USB1: variants seen among roughly 807,000 people sequenced by gnomAD.
The protein encoded by USB1 is U6 snRNA biogenesis phosphodiesterase 1.
In USB1, 21 loss-of-function variants were observed where a neutral mutation model predicts 29.9. That is an observed-to-expected ratio of 0.70 (90% CI 0.50 to 1.01). The LOEUF (loss-of-function observed/expected upper bound fraction) is 1.01. Ranked by LOEUF, USB1 falls within the 50% of genes least tolerant of loss-of-function variation. The pLI is 0.00. For missense variants in USB1, 330 were observed against 347.1 expected (o/e 0.95, Z 0.39); for synonymous variants, 143 against 134.9 (o/e 1.06, Z -0.42).
chr16:58,001,235 C>T, upstream of USB1: 4 of 601,250 alleles, frequency 6.7e-6, no homozygotes, highest in South Asian at 5.8e-5. Flanking sequence ...TACACGAAGG[C>T]TGGGGAGGTC....
chr16:58,002,227 G>T (rs1963232871), intron 1 of USB1, among the ~76,000 whole-genome samples: 1 of 152,166 alleles, frequency 6.6e-6, no homozygotes, highest in Non-Finnish European at 1.5e-5. Flanking sequence ...GTCCAGCTTG[G>T]AAATGTGACC....
chr16:58,010,720 G>A (rs1415904116), intron 3 of USB1: 6 of 405,754 alleles, frequency 1.5e-5, no homozygotes, highest in South Asian at 1.2e-4. Flanking sequence ...TATGTTACAG[G>A]ATACACATGA....
At chr16:58,007,990 A>T (rs570147285) in intron 2 of USB1, among the ~76,000 whole-genome samples, 95 of 152,310 alleles carry the variant, frequency 6.2e-4, no homozygotes, top group South Asian at 2.1e-3. Context: ...CTCAAAAAAA[A>T]AATAATAATA....
intron 2 of USB1, among the ~76,000 whole-genome samples, chr16:58,007,563 G>A (rs960610254): frequency 4.6e-5 from 7 of 151,846 alleles, no homozygotes; most frequent in Non-Finnish European, 1.5e-5. Flanking sequence ...TGTATTTTTA[G>A]TAAAGACACA....
At chr16:58,017,898 C>T (rs897175474) in intron 5 of USB1, among the ~76,000 whole-genome samples, 6 of 152,122 alleles carry the variant, frequency 3.9e-5, no homozygotes, top group African/African-American at 1.4e-4. Flanking sequence ...TGTTTTTAAA[C>T]CGTGCTGAGG....
intron 2 of USB1, among the ~76,000 whole-genome samples, chr16:58,006,686 A>G (rs1161395300): frequency 6.6e-6 from 1 of 152,082 alleles, no homozygotes. Context: ...AAACAGGCTT[A>G]TTTCTTCTTT....
intron 2 of USB1, among the ~76,000 whole-genome samples, chr16:58,004,919 A>G (rs1373889828): frequency 1.3e-5 from 2 of 152,182 alleles, no homozygotes. Context: ...GGCTGCGCTG[A>G]TATTTATTGG....
chr16:58,000,449 T>G (rs1963147608), upstream of USB1: 1 of 149,862 alleles, frequency 6.7e-6, no homozygotes, highest in Admixed American at 6.6e-5. The surrounding 1 kb of genome is among the most constrained non-coding windows in gnomAD (Gnocchi z 4.5). Context: ...GGCGACCAGC[T>G]GCTCTCTCGG....
chr16:58,019,897 G>T (rs1403236009), intron 6 of USB1, among the ~76,000 whole-genome samples: 2 of 152,106 alleles, frequency 1.3e-5, no homozygotes, highest in African/African-American at 4.8e-5. Flanking sequence ...TCCCAGGCCT[G>T]GTTTTATTGG....
intron 5 of USB1, among the ~76,000 whole-genome samples, chr16:58,018,686 C>T (rs1285259811): frequency 6.6e-6 from 1 of 152,088 alleles, no homozygotes; most frequent in Non-Finnish European, 1.5e-5. Context: ...CCTCATCTAA[C>T]CCTAATTACC....
At position 58,020,310 on chromosome 16, in the gene USB1, AATCG is replaced by A; in HGVS notation, c.*68_*71del. The stretch of plus-strand genomic sequence containing the variant: ...AGGCTGAGATGGAGGAACCTGCTAA[AATCG>A]ATGGAGATGCTTCTAGCCTCCCAGT... On this transcript the variant is annotated 3_prime_UTR_variant, in exon 7 of 7. Transcript: ENST00000219281. 1 of 1,520,946 alleles carries A rather than the reference AATCG, an allele frequency of 6.6e-7. No homozygotes were observed. Among genetic ancestry groups the A allele is most frequent in the East Asian group, 2.3e-5 (1 of 43,904 alleles). The allele number at this position is 1,520,946 out of a possible 1,614,324, so 94.2% of individuals were successfully genotyped here.
chr16:58,007,949 C>T lies in USB1; in HGVS notation c.266-1980C>T, dbSNP rs112452166. 1.6e-3 allele frequency among the ~76,000 whole-genome samples: 238 copies of T among 152,166 alleles called. 1 individual carries two copies. Among genetic ancestry groups the T allele is most frequent in the African/African-American group, 5.6e-3 (234 of 41,520 alleles). On this transcript the variant is annotated intron_variant, in intron 2 of 6. Coordinates refer to ENST00000219281, the MANE Select transcript of USB1 (RefSeq NM_024598.4). ...AGTGAACCAAGATTGCACCACCGTA[C>T]TCCATCCTGGGCAAAAGAGTGAGAC...
In USB1 at chr16:58,002,549, G is replaced by C. The variant is rs745321157; in HGVS notation, c.169G>C (p.Glu57Gln). 2 of 1,613,992 alleles carry C rather than the reference G, an allele frequency of 1.2e-6. No individual in the cohort carries two copies. Among genetic ancestry groups the C allele is most frequent in the Non-Finnish European group, 1.7e-6 (2 of 1,180,044 alleles). ...DSVLNMFPGT[E>Q]EGPEDDSTKH... ...TGTGCTGAACATGTTCCCGGGCACC[G>C]AGGAGGGGCCTGAAGATGACAGCAC... is the stretch of plus-strand genomic sequence containing the variant. The change falls in exon 2 of 7, where the codon GAG becomes CAG. Residue 57 changes from glutamate (E) to glutamine (Q), a missense_variant. Physicochemically the swap from Glu to Gln is conservative, Grantham distance 29. Coordinates refer to ENST00000219281, the MANE Select transcript of USB1 (RefSeq NM_024598.4).
chr16:57,999,819 G>A (rs772212300), upstream of USB1: 4 of 152,486 alleles, frequency 2.6e-5, no homozygotes, highest in Non-Finnish European at 5.9e-5. Flanking sequence ...GACAGAGAGG[G>A]GGAAGGTGGG....
intron 4 of USB1, 148 bp downstream of exon 4, chr16:58,014,474 C>G: frequency 1.4e-6 from 1 of 722,490 alleles, no homozygotes; most frequent in Non-Finnish European, 2.4e-6. Flanking sequence ...AAATCTGAAC[C>G]TTTCTTTAAG....
chr16:58,004,363 G>C (rs1963304055), intron 2 of USB1, among the ~76,000 whole-genome samples: 1 of 152,174 alleles, frequency 6.6e-6, no homozygotes, highest in South Asian at 2.1e-4. Flanking sequence ...ACATAGTTAA[G>C]TCTCGAAGTT....
intron 2 of USB1, among the ~76,000 whole-genome samples, chr16:58,005,259 C>G (rs904499045): frequency 2.0e-5 from 3 of 152,202 alleles, no homozygotes; most frequent in African/African-American, 7.2e-5. Flanking sequence ...GTTAGGCCCT[C>G]CACAAGAGGT....
chr16:58,006,835 A>G (rs972102695), intron 2 of USB1, among the ~76,000 whole-genome samples: 7 of 152,240 alleles, frequency 4.6e-5, no homozygotes, highest in East Asian at 3.8e-4. Context: ...GGAGTTTCCT[A>G]TCAGTTAGCT....
intron 6 of USB1, 113 bp from the exon 7 acceptor site, chr16:58,020,028 C>T: frequency 2.2e-6 from 2 of 930,114 alleles, no homozygotes; most frequent in Non-Finnish European, 3.5e-6. Context: ...CTGGAGCCTG[C>T]AGCCTCAGCC....
Sources: allele counts gnomAD v4.1 joint callset (sites outside exome capture counted in the v4.1 genomes callset), GRCh38; gene constraint gnomAD v4.1.1; non-coding constraint Gnocchi (gnomAD v3.1); transcripts MANE v1.5; gene names NCBI Gene and HGNC (gene_info 2026-07-23, HGNC 2026-07-21).